BMPR1A: variants seen among roughly 807,000 people sequenced by gnomAD.
BMPR1A encodes bone morphogenetic protein receptor type-1A.
A neutral mutation model predicts 66.0 loss-of-function variants in BMPR1A; 7 were observed. That is an observed-to-expected ratio of 0.11 (90% CI 0.06 to 0.20). The LOEUF (loss-of-function observed/expected upper bound fraction) is 0.20. Ranked by LOEUF, BMPR1A falls within the 10% of genes least tolerant of loss-of-function variation. The pLI is 1.00. For missense variants in BMPR1A, 408 were observed against 669.1 expected, an observed-to-expected ratio of 0.61 and a Z score of 4.31; for synonymous variants, 200 against 229.7, an observed-to-expected ratio of 0.87 and a Z score of 1.17.
chr10:86,794,974 C>A (rs914456340), intron 1 of BMPR1A, among the ~76,000 whole-genome samples: 3 of 151,822 alleles, frequency 2.0e-5, no homozygotes, highest in African/African-American at 7.3e-5. Flanking sequence ...GCCTCAGCCT[C>A]CCGAGTAGCT....
intron 1 of BMPR1A, among the ~76,000 whole-genome samples, chr10:86,782,854 T>A (rs1841458164): frequency 6.6e-6 from 1 of 152,206 alleles, no homozygotes; most frequent in African/African-American, 2.4e-5. Flanking sequence ...ATTGCTTGCC[T>A]TGCTGCACAG....
intron 2 of BMPR1A, among the ~76,000 whole-genome samples, chr10:86,850,699 A>C (rs961535674): frequency 6.6e-6 from 1 of 152,066 alleles, no homozygotes; most frequent in Non-Finnish European, 1.5e-5. Flanking sequence ...TGGCATGATC[A>C]TGACTCACCA....
intron 1 of BMPR1A, among the ~76,000 whole-genome samples, chr10:86,769,711 C>T (rs1295916279): frequency 6.6e-6 from 1 of 152,154 alleles, no homozygotes; most frequent in African/African-American, 2.4e-5. Flanking sequence ...AGTGTCCTTC[C>T]CTTAGAAACT....
At chr10:86,847,675 C>CA (rs1842506693) in intron 2 of BMPR1A, among the ~76,000 whole-genome samples, 1 of 151,910 alleles carries the variant, frequency 6.6e-6, no homozygotes, top group African/African-American at 2.4e-5. Flanking sequence ...TAAAAATACA[C>CA]ACACACGTGT....
intron 2 of BMPR1A, among the ~76,000 whole-genome samples, chr10:86,874,820 G>A (rs1842899946): frequency 1.3e-5 from 2 of 148,584 alleles, no homozygotes; most frequent in Non-Finnish European, 3.0e-5. Context: ...TGCCTCCTGG[G>A]TTCAAGTGAT....
intron 1 of BMPR1A, among the ~76,000 whole-genome samples, chr10:86,798,509 T>A (rs1423670834): frequency 1.3e-5 from 2 of 152,204 alleles, no homozygotes; most frequent in African/African-American, 4.8e-5. Context: ...TATTTATGCA[T>A]GTTTTACAGA....
chr10:86,798,467 A>G (rs1464124081), intron 1 of BMPR1A, among the ~76,000 whole-genome samples: 1 of 152,146 alleles, frequency 6.6e-6, no homozygotes, highest in Non-Finnish European at 1.5e-5. Flanking sequence ...AATCCTGATG[A>G]GGGTTTTACT....
intron 2 of BMPR1A, chr10:86,855,191 A>G (rs964359671): frequency 1.6e-6 from 1 of 620,330 alleles, no homozygotes; most frequent in African/African-American, 1.9e-5. Flanking sequence ...GGCGTGAGCC[A>G]CCACACCCTG....
intron 1 of BMPR1A, among the ~76,000 whole-genome samples, chr10:86,791,632 C>T (rs1180036868): frequency 1.3e-5 from 2 of 151,428 alleles, no homozygotes; most frequent in South Asian, 2.1e-4. Flanking sequence ...AAGCCCTGTC[C>T]ATCTCATTAA....
At chr10:86,757,124 C>G (rs1412102300) in intron 1 of BMPR1A, among the ~76,000 whole-genome samples, 1 of 151,838 alleles carries the variant, frequency 6.6e-6, no homozygotes, top group Non-Finnish European at 1.5e-5. Flanking sequence ...CGCCGCGTCC[C>G]CCGCCGGCCC....
chr10:86,819,230 G>A (rs1842084527), intron 1 of BMPR1A, among the ~76,000 whole-genome samples: 1 of 152,062 alleles, frequency 6.6e-6, no homozygotes, highest in South Asian at 2.1e-4. Context: ...CTCTGTATGT[G>A]TGTTAAAAAT....
chr10:86,899,416 G>T (rs1414555216), intron 5 of BMPR1A, among the ~76,000 whole-genome samples: 1 of 152,210 alleles, frequency 6.6e-6, no homozygotes, highest in Non-Finnish European at 1.5e-5. Context: ...ACGCTCAGCT[G>T]CCTTGCTAAC....
rs777139606 is a variant in BMPR1A, at chr10:86,899,894, G to A, written c.430+4G>A. Reference sequence around the variant, plus strand: ...ACACTGCCCCCTGTTGTCATAGGTAGGTTAGCCGAGAAAAGTCGGAGCATG... The same window carrying A: ...ACACTGCCCCCTGTTGTCATAGGTAAGTTAGCCGAGAAAAGTCGGAGCATG... On this transcript the variant is annotated splice_donor_region_variant and intron_variant, in intron 6 of 12. Transcript: ENST00000372037. The A allele has an allele frequency of 6.2e-7, 1 of 1,613,716 alleles. No homozygotes were observed. The highest frequency in any genetic ancestry group is 8.5e-7 in the Non-Finnish European group (1 of 1,179,624).
At chr10:86,895,564 G>T (rs1048640526) in intron 5 of BMPR1A, among the ~76,000 whole-genome samples, 1 of 152,022 alleles carries the variant, frequency 6.6e-6, no homozygotes, top group Non-Finnish European at 1.5e-5. Context: ...TGGGACAATG[G>T]TATAATAGTC....
At chr10:86,921,802 G>T in intron 11 of BMPR1A, 107 bp downstream of exon 11, 1 of 1,379,024 alleles carries the variant, frequency 7.3e-7, no homozygotes, top group Non-Finnish European at 1.0e-6. Context: ...GCACATAGTA[G>T]GTGTATATAT....
At chr10:86,792,785 C>G (rs1000009341) in intron 1 of BMPR1A, among the ~76,000 whole-genome samples, 3 of 152,136 alleles carry the variant, frequency 2.0e-5, no homozygotes, top group Admixed American at 6.5e-5. Context: ...TAAAATGGAT[C>G]ATGATGGGTA....
At chr10:86,777,789 G>A (rs927940271) in intron 1 of BMPR1A, among the ~76,000 whole-genome samples, 2 of 151,970 alleles carry the variant, frequency 1.3e-5, no homozygotes, top group Non-Finnish European at 2.9e-5. Flanking sequence ...TGAGGCAGGT[G>A]GATCACCTGA....
chr10:86,910,262 C>T (rs373310822), intron 7 of BMPR1A, among the ~76,000 whole-genome samples: 1 of 151,994 alleles, frequency 6.6e-6, no homozygotes, highest in South Asian at 2.1e-4. Context: ...TGCTTAAACC[C>T]GGGAGGCAAA....
chr10:86,874,108 GT>G (rs1195906503), intron 2 of BMPR1A, among the ~76,000 whole-genome samples: 1 of 152,196 alleles, frequency 6.6e-6, no homozygotes, highest in Non-Finnish European at 1.5e-5. Context: ...TTCAGGAATA[GT>G]TCAAGCTGAA....
Sources: allele counts gnomAD v4.1 joint callset (sites outside exome capture counted in the v4.1 genomes callset), GRCh38; gene constraint gnomAD v4.1.1; transcripts MANE v1.5; gene names NCBI Gene and HGNC (gene_info 2026-07-23, HGNC 2026-07-21).